Variants in SHISA9 observed in about 807,000 individuals in gnomAD.
SHISA9 encodes protein shisa-9.
A neutral mutation model predicts 38.0 loss-of-function variants in SHISA9; 13 were observed. The observed-to-expected ratio is 0.34, with a 90% CI of 0.22 to 0.54. The LOEUF (loss-of-function observed/expected upper bound fraction) is 0.54, where lower values mean the gene tolerates loss of function less well. SHISA9 is among the 20% of genes least tolerant of loss of function. The probability of loss-of-function intolerance (pLI) is 0.91; values close to 1 mark genes in which losing one functional copy is unlikely to be tolerated. For missense variants in SHISA9, 538 were observed against 575.8 expected, an observed-to-expected ratio of 0.93 and a Z score of 0.67; for synonymous variants, 275 against 242.0, an observed-to-expected ratio of 1.14 and a Z score of -1.27.
chr16:13,076,062 GCT>G (rs1567203909), intron 2 of SHISA9, among the ~76,000 whole-genome samples: 3 of 142,672 alleles, frequency 2.1e-5, no homozygotes, highest in Admixed American at 7.3e-5. Flanking sequence ...ATGCAGTCTC[GCT>G]CTGTCACCTA....
At chr16:13,554,512 C>CT in the SHISA9 span, among the ~76,000 whole-genome samples, 1 of 134,552 alleles carries the variant, frequency 7.4e-6, no homozygotes, top group African/African-American at 2.8e-5. Context: ...CTTTTCTTCT[C>CT]TTTCTTTTTT....
chr16:13,302,507 C>G, the SHISA9 span, among the ~76,000 whole-genome samples: 1 of 152,162 alleles, frequency 6.6e-6, no homozygotes, highest in Admixed American at 6.5e-5. Flanking sequence ...ACTGAGCCAC[C>G]TCCCTCTGCA....
the SHISA9 span, among the ~76,000 whole-genome samples, chr16:13,300,840 C>A: frequency 1.3e-5 from 1 of 76,214 alleles, no homozygotes. Context: ...CCTCCCCTCC[C>A]CTCTTCTCTC....
At chr16:13,307,682 G>A in the SHISA9 span, among the ~76,000 whole-genome samples, 13 of 152,130 alleles carry the variant, frequency 8.5e-5, no homozygotes, top group Non-Finnish European at 1.9e-4. Flanking sequence ...ATTCAATGTA[G>A]ATATGATTAA....
At chr16:13,208,458 T>TG (rs2051088061) in intron 3 of SHISA9, among the ~76,000 whole-genome samples, 1 of 149,692 alleles carries the variant, frequency 6.7e-6, no homozygotes. Flanking sequence ...TTTTTTTTTT[T>TG]GAGACAGAGT....
intron 2 of SHISA9, among the ~76,000 whole-genome samples, chr16:13,107,198 C>T (rs1253580546): frequency 2.0e-5 from 3 of 151,800 alleles, no homozygotes; most frequent in South Asian, 2.1e-4. Flanking sequence ...TTTGGGAGGC[C>T]GAGTGGGTAG....
chr16:13,236,242 T>C lies in SHISA9; in HGVS notation c.*833T>C, dbSNP rs1024420196. On this transcript the variant is annotated 3_prime_UTR_variant, in exon 5 of 5. Transcript: ENST00000558583. ...GGTCCGGAGAGTATCAAATAACTTT[T>C]TAAAAAGAGGATTAAAATGTAAGCC... The C allele has an allele frequency of 2.0e-5, 3 of 151,680 alleles. No homozygotes were observed. Among genetic ancestry groups the C allele is most frequent in the African/African-American group, 7.3e-5 (3 of 41,278 alleles). The allele number at this position is 151,680 out of a possible 1,614,324, so 9.4% of individuals were successfully genotyped here. A position where few individuals can be genotyped will look rare whatever the true frequency, so the allele number is the denominator to read the frequency against.
intron 2 of SHISA9, among the ~76,000 whole-genome samples, chr16:13,033,428 C>T (rs891442802): frequency 2.6e-5 from 4 of 152,202 alleles, no homozygotes; most frequent in Admixed American, 2.6e-4. Context: ...CTACTCTGTG[C>T]TTCATTTCTT....
At chr16:13,449,380 A>G in the SHISA9 span, among the ~76,000 whole-genome samples, 12 of 152,342 alleles carry the variant, frequency 7.9e-5, no homozygotes, top group East Asian at 1.9e-3. Flanking sequence ...CTTTCTATAC[A>G]TTAGAAAAGT....
the SHISA9 span, among the ~76,000 whole-genome samples, chr16:13,381,694 A>T: frequency 1.2e-4 from 18 of 152,332 alleles, no homozygotes; most frequent in Non-Finnish European, 1.9e-4. Flanking sequence ...CTAAATTAAG[A>T]AATATATGCA....
chr16:13,311,855 G>C, the SHISA9 span, among the ~76,000 whole-genome samples: 1 of 152,110 alleles, frequency 6.6e-6, no homozygotes, highest in South Asian at 2.1e-4. Context: ...GTAAAAACGA[G>C]ATAGATAATA....
chr16:13,384,551 A>G, the SHISA9 span, among the ~76,000 whole-genome samples: 1 of 152,192 alleles, frequency 6.6e-6, no homozygotes, highest in Non-Finnish European at 1.5e-5. Context: ...TTCTCTACCA[A>G]GAGCCAGGAA....
chr16:13,376,179 C>T, the SHISA9 span, among the ~76,000 whole-genome samples: 3 of 152,126 alleles, frequency 2.0e-5, no homozygotes, highest in Admixed American at 6.5e-5. Context: ...GTTCACATTC[C>T]AATGGCATAA....
At chr16:13,022,999 TTC>T (rs759190956) in intron 2 of SHISA9, among the ~76,000 whole-genome samples, 17 of 147,444 alleles carry the variant, frequency 1.2e-4, no homozygotes, top group Non-Finnish European at 2.2e-4. Context: ...AGACCCGTTT[TTC>T]TTTCTTTCTG....
intron 2 of SHISA9, among the ~76,000 whole-genome samples, chr16:13,146,271 T>C (rs1281074291): frequency 6.6e-6 from 1 of 152,218 alleles, no homozygotes; most frequent in Non-Finnish European, 1.5e-5. Context: ...TGGACTAGGC[T>C]CTGAAATGAA....
At chr16:13,158,153 G>A (rs1212700306) in intron 2 of SHISA9, among the ~76,000 whole-genome samples, 1 of 152,148 alleles carries the variant, frequency 6.6e-6, no homozygotes, top group Non-Finnish European at 1.5e-5. Context: ...AAAATGGGGC[G>A]ACAGTTTTTC....
chr16:13,439,164 A>G, the SHISA9 span, among the ~76,000 whole-genome samples: 2 of 152,194 alleles, frequency 1.3e-5, no homozygotes, highest in Non-Finnish European at 2.9e-5. Flanking sequence ...GATGGACCCT[A>G]TGTCTCCTCT....
chr16:13,078,970 AG>A (rs199689782), intron 2 of SHISA9, among the ~76,000 whole-genome samples: 2,388 of 152,310 alleles, frequency 0.016, 25 homozygotes, highest in Non-Finnish European at 0.027. Flanking sequence ...AATAGATAAG[AG>A]CTGGGACTAT....
At chr16:13,168,227 C>T (rs2050654861) in intron 2 of SHISA9, among the ~76,000 whole-genome samples, 1 of 152,204 alleles carries the variant, frequency 6.6e-6, no homozygotes, top group Non-Finnish European at 1.5e-5. Context: ...CCTAATCACC[C>T]CAGGGCCAGT....
Sources: gnomAD v4.1 joint callset for allele counts (sites outside exome capture counted in the v4.1 genomes callset) on GRCh38, gnomAD v4.1.1 for gene constraint, MANE v1.5 for transcripts, NCBI Gene and HGNC (gene_info 2026-07-23, HGNC 2026-07-21) for gene names.